AKAP3: variants seen among roughly 807,000 people sequenced by gnomAD.
AKAP3 encodes the protein A-kinase anchor protein 3.
Under a neutral mutation model 57.2 loss-of-function variants are expected in AKAP3, and 27 were observed. That is an observed-to-expected ratio of 0.47 (90% confidence interval 0.35 to 0.65). AKAP3 has a LOEUF of 0.65. Ranked by LOEUF, AKAP3 falls within the 30% of genes least tolerant of loss-of-function variation. The probability of loss-of-function intolerance (pLI) is 0.01; values close to 1 mark genes in which losing one functional copy is unlikely to be tolerated. For missense variants in AKAP3, 959 were observed against 1,040.0 expected (o/e 0.92, Z 1.07); for synonymous variants, 334 against 392.3 (o/e 0.85, Z 1.76).
chr12:4,634,619 T>C (rs967502432), intron 4 of AKAP3, among the ~76,000 whole-genome samples: 12 of 152,176 alleles, frequency 7.9e-5, no homozygotes, highest in African/African-American at 2.7e-4. Context: ...CTGGTTTATT[T>C]CATTTTTGTT....
chr12:4,617,651 C>CGGA (rs904145464), intron 5 of AKAP3, among the ~76,000 whole-genome samples: 5 of 150,614 alleles, frequency 3.3e-5, no homozygotes, highest in African/African-American at 1.2e-4. Flanking sequence ...ACTCGAGAGG[C>CGGA]GGAGGCAAGA....
intron 4 of AKAP3, among the ~76,000 whole-genome samples, chr12:4,633,629 A>T (rs1945526811): frequency 6.6e-6 from 1 of 151,918 alleles, no homozygotes; most frequent in Non-Finnish European, 1.5e-5. Context: ...GGGAAGGAAG[A>T]TGCCAAATTA....
chr12:4,623,885 A>G (rs534236744), intron 5 of AKAP3, among the ~76,000 whole-genome samples: 6 of 152,246 alleles, frequency 3.9e-5, no homozygotes, highest in Non-Finnish European at 7.3e-5. Context: ...AGCAAATTAA[A>G]AATTTTAGCA....
chr12:4,627,416 A>G lies in AKAP3; in HGVS notation c.1486T>C (p.Tyr496His). ...CTGAGGTTGCCAATATCTTCAGGGT[A>G]CTCAAAGGAAATGTCTGATGCAGGC... is the stretch of plus-strand genomic sequence containing the variant. Reference protein sequence around the residue: ...RKPASDISFEYPEDIGNLSLP... With the variant: ...RKPASDISFEHPEDIGNLSLP... Residue 496 changes from tyrosine (Y) to histidine (H), a missense_variant, in exon 5 of 6, where the codon TAC (tyrosine) becomes CAC (histidine). Physicochemically the swap from Tyr to His is moderately conservative, Grantham distance 83 (BLOSUM62 2). Transcript: ENST00000228850. 2 of 1,613,900 alleles carry G rather than the reference A, an allele frequency of 1.2e-6. No individual in the cohort carries two copies. Among genetic ancestry groups the G allele is most frequent in the Non-Finnish European group, 1.7e-6 (2 of 1,179,960 alleles).
intron 5 of AKAP3, among the ~76,000 whole-genome samples, chr12:4,618,720 C>T (rs1945313873): frequency 6.6e-6 from 1 of 152,222 alleles, no homozygotes; most frequent in Admixed American, 6.5e-5. Context: ...TGCCAAATGT[C>T]CCCTGGGGGG....
At chr12:4,630,575 C>T (rs1482132766) in intron 4 of AKAP3, among the ~76,000 whole-genome samples, 3 of 152,148 alleles carry the variant, frequency 2.0e-5, no homozygotes, top group Non-Finnish European at 4.4e-5. Context: ...CAAAATTCTC[C>T]CAAATGGTTC....
At chr12:4,646,645 C>T (rs1006614228) in intron 1 of AKAP3, among the ~76,000 whole-genome samples, 10 of 151,748 alleles carry the variant, frequency 6.6e-5, no homozygotes, top group African/African-American at 9.7e-5. Context: ...GCACTCCAGC[C>T]TGGGTGACAG....
intron 5 of AKAP3, among the ~76,000 whole-genome samples, chr12:4,622,996 C>T (rs920187474): frequency 6.6e-6 from 1 of 152,146 alleles, no homozygotes. Flanking sequence ...AGAAGACATA[C>T]GTGTGGCCAA....
chr12:4,635,359 G>A, intron 4 of AKAP3: 1 of 590,208 alleles, frequency 1.7e-6, no homozygotes, highest in Non-Finnish European at 3.1e-6. Flanking sequence ...CTACAACACT[G>A]ACTCCTGTTT....
rs1416813113 is a variant in AKAP3 at position 4,648,863 on chromosome 12, C to G, written c.-363G>C. The G allele has an allele frequency of 2.0e-5, 10 of 492,128 alleles. No individual in the cohort carries two copies. The highest frequency in any genetic ancestry group is 2.0e-4 in the African/African-American group (10 of 50,638). 30.5% of individuals were successfully genotyped at this position (492,128 alleles called of 1,614,324 possible). ...GTCCTGAGTCAGTCACTGGTTAACT[C>G]TGAACTTCAGGTTCCTCGGCAATTA... On this transcript the variant is annotated 5_prime_UTR_variant, in exon 1 of 6. Coordinates refer to ENST00000228850, the MANE Select transcript of AKAP3 (RefSeq NM_001278309.2).
At chr12:4,617,842 T>C (rs1296697110) in intron 5 of AKAP3, among the ~76,000 whole-genome samples, 1 of 151,430 alleles carries the variant, frequency 6.6e-6, no homozygotes, top group East Asian at 1.9e-4. Context: ...ATAAAGCAAC[T>C]CAACTATAAA....
In AKAP3 at chr12:4,627,562, T is replaced by A. The variant is rs1565552565; in HGVS notation, c.1340A>T (p.Lys447Ile). The change falls in exon 5 of 6, where the codon AAA becomes ATA. Residue 447 changes from lysine to isoleucine, a missense_variant. Coordinates refer to ENST00000228850, the MANE Select transcript of AKAP3 (RefSeq NM_001278309.2). ...EPKSEEETCA[K>I]TLGEHIIKEG... ...TTTGATAATGTGCTCACCCAGAGTT[T>A]TCGCACAAGTCTCCTCCTCTGATTT... 1 of 1,614,204 alleles carries A rather than the reference T, an allele frequency of 6.2e-7. No homozygotes were observed. The highest frequency in any genetic ancestry group is 1.3e-5 in the African/African-American group (1 of 75,052).
rs191362601 is a variant in AKAP3, at chr12:4,621,071, G to A, written c.2407-5177C>T. On this transcript the variant is annotated intron_variant, in intron 5 of 5. Transcript: ENST00000228850. ...GTATTGATGATCCTGACCCTGTGTG[G>A]GCCTAGGTCAATATGTGTGTTTGTA... Among the ~76,000 whole-genome samples, 31 of 151,524 alleles carry A rather than the reference G, an allele frequency of 2.0e-4. No homozygotes were observed. In the East Asian group the frequency reaches 5.4e-3, roughly 27 times the overall value.
intron 5 of AKAP3, among the ~76,000 whole-genome samples, chr12:4,624,819 T>TGC (rs1555126714): frequency 1.4e-5 from 2 of 148,014 alleles, no homozygotes; most frequent in Non-Finnish European, 3.0e-5. Flanking sequence ...GGTGTGTGTG[T>TGC]GTGTGTATAT....
rs1413166642 is a variant in AKAP3, at chr12:4,625,769, T to C, written c.2406+727A>G. ...AGAGAAGAGAAGGTTGTAGGGATGG[T>C]CTTTTTAATTCCCGCACTTCAGTGT... is the stretch of plus-strand genomic sequence containing the variant. On this transcript the variant is annotated intron_variant, in intron 5 of 5. Transcript: ENST00000228850. The surrounding 1 kb of genome is among the most constrained non-coding windows in gnomAD (Gnocchi z 5.4). Among the ~76,000 whole-genome samples, 3 of 151,954 alleles carry C rather than the reference T, an allele frequency of 2.0e-5. No homozygotes were observed. Among genetic ancestry groups the C allele is most frequent in the Admixed American group, 6.6e-5 (1 of 15,242 alleles).
chr12:4,640,035 C>G (rs1289899258), intron 3 of AKAP3, among the ~76,000 whole-genome samples: 1 of 152,128 alleles, frequency 6.6e-6, no homozygotes, highest in Admixed American at 6.5e-5. Context: ...CCAGGATGGT[C>G]TTGATCTCCT....
chr12:4,616,021 T>C, intron 5 of AKAP3, 127 bp from the exon 6 acceptor site: 1 of 1,156,368 alleles, frequency 8.6e-7, no homozygotes, highest in East Asian at 2.5e-5. Context: ...CTTTAAAGTT[T>C]GCTGGCCTGT....
intron 5 of AKAP3, among the ~76,000 whole-genome samples, chr12:4,619,601 A>G (rs1451887371): frequency 1.3e-5 from 2 of 152,152 alleles, no homozygotes; most frequent in Non-Finnish European, 2.9e-5. Context: ...AAAGGAAAGA[A>G]AATAAATTAG....
chr12:4,619,570 A>G (rs1945322324), intron 5 of AKAP3, among the ~76,000 whole-genome samples: 1 of 150,868 alleles, frequency 6.6e-6, no homozygotes. Flanking sequence ...AACAACAACA[A>G]CAACAAAAAA....
Sources: allele counts gnomAD v4.1 joint callset (sites outside exome capture counted in the v4.1 genomes callset), GRCh38; gene constraint gnomAD v4.1.1; non-coding constraint Gnocchi (gnomAD v3.1); transcripts MANE v1.5; gene names NCBI Gene and HGNC (gene_info 2026-07-23, HGNC 2026-07-21).